ALOX12: variants seen among roughly 807,000 people sequenced by gnomAD.
The protein encoded by ALOX12 is polyunsaturated fatty acid lipoxygenase ALOX12.
A neutral mutation model predicts 85.5 loss-of-function variants in ALOX12; 62 were observed. That is an observed-to-expected ratio of 0.73 (90% CI 0.59 to 0.90). ALOX12 has a LOEUF of 0.90. Ranked by LOEUF, ALOX12 falls within the 40% of genes least tolerant of loss-of-function variation. ALOX12 has a pLI of 0.00. For synonymous variants in ALOX12, 299 were observed against 332.7 expected, an observed-to-expected ratio of 0.90 and a Z score of 1.10; for missense variants, 751 against 856.5, an observed-to-expected ratio of 0.88 and a Z score of 1.54.
At chr17:6,998,444 G>A in intron 2 of ALOX12, 65 bp from the exon 3 acceptor site, 1 of 1,058,346 alleles carries the variant, frequency 9.4e-7, no homozygotes, top group East Asian at 2.4e-5. Context: ...ACAGGGAGAT[G>A]AGGACAAGAG....
At position 7,010,580 on chromosome 17, in the gene ALOX12, G is replaced by C; in HGVS notation, c.*157G>C. On this transcript the variant is annotated 3_prime_UTR_variant, in exon 14 of 14. Coordinates refer to ENST00000251535, the MANE Select transcript of ALOX12 (RefSeq NM_000697.3). ...AGTATCCCACTAGCCCAGGGGAGCA[G>C]TAAACTTTCTCTGCAAAGACTAGAT... 1.1e-6 allele frequency: 1 copy of C among 891,274 alleles called. No homozygotes were observed. Among genetic ancestry groups the C allele is most frequent in the South Asian group, 2.1e-5 (1 of 48,562 alleles). 55.2% of individuals were successfully genotyped at this position (891,274 alleles called of 1,614,324 possible).
At position 7,005,379 on chromosome 17, in the gene ALOX12, A is replaced by G; in HGVS notation, c.1248+36A>G. On this transcript the variant is annotated intron_variant, in intron 9 of 13. Coordinates refer to ENST00000251535, the MANE Select transcript of ALOX12 (RefSeq NM_000697.3). ...TACGGGGCATGGGACTGCCTCATCC[A>G]TCTCTCCATGATCTGCCACTTTCAG... The G allele has an allele frequency of 2.6e-6, 4 of 1,545,398 alleles. No homozygotes were observed. In the African/African-American group the frequency reaches 5.5e-5, roughly 21 times the overall value.
chr17:7,007,668 G>A (rs1909153983), intron 11 of ALOX12, among the ~76,000 whole-genome samples: 1 of 152,184 alleles, frequency 6.6e-6, no homozygotes, highest in Non-Finnish European at 1.5e-5. Flanking sequence ...TGGATCACGA[G>A]GTCAGGAGTT....
At chr17:7,002,756 A>G in intron 8 of ALOX12, 1 of 230,940 alleles carries the variant, frequency 4.3e-6, no homozygotes, top group South Asian at 3.2e-5. Context: ...GATACTTTAT[A>G]TACAGGGAAC....
rs756283523 is a variant in ALOX12 at position 7,000,811 on chromosome 17, T to A, written c.951+332T>A. Among the ~76,000 whole-genome samples, 2 of 152,202 alleles carry A rather than the reference T, an allele frequency of 1.3e-5. No homozygotes were observed. Among genetic ancestry groups the A allele is most frequent in the African/African-American group, 2.4e-5 (1 of 41,458 alleles). Reference sequence around the variant, plus strand: ...GATTCAGTATGTCTGGGGTGGGAACTAAGAGTTTGCGTTTTTATAAGTTCC... The same window carrying A: ...GATTCAGTATGTCTGGGGTGGGAACAAAGAGTTTGCGTTTTTATAAGTTCC... On this transcript the variant is annotated intron_variant, in intron 7 of 13. Transcript: ENST00000251535. This position sits in a 1 kb window ranked among gnomAD's most constrained non-coding sequence, Gnocchi z 4.6.
At position 7,010,118 on chromosome 17, in the gene ALOX12, C is replaced by A; in HGVS notation, c.1804C>A (p.Pro602Thr). The A allele has an allele frequency of 1.2e-6, 2 of 1,611,274 alleles. No individual in the cohort carries two copies. The highest frequency in any genetic ancestry group is 8.5e-7 in the Non-Finnish European group (1 of 1,178,288). Reference sequence around the variant, plus strand: ...CTCATGGCATCTGAGTCGCCGCCAGCCAGACATGGTGAGAGGGGACTCTCG... The same window carrying A: ...CTCATGGCATCTGAGTCGCCGCCAGACAGACATGGTGAGAGGGGACTCTCG... ...AISWHLSRRQ[P>T]DMVPLGHHKE... The change falls in exon 13 of 14, where the codon CCA (proline) becomes ACA (threonine). Residue 602 changes from proline to threonine, a missense_variant. Coordinates refer to ENST00000251535, the MANE Select transcript of ALOX12 (RefSeq NM_000697.3).
rs776964465 is a variant in ALOX12 at position 7,010,313 on chromosome 17, C to T, written c.1882C>T (p.Arg628Ter). The change falls in exon 14 of 14, where the codon CGA (arginine) becomes TGA (stop). Residue 628 changes from arginine to a stop codon, truncating the protein, a stop_gained. Transcript: ENST00000251535. LOFTEE classifies it high-confidence loss of function. ...GCCCAAAGCTGTGCTAAACCAATTCCGAACAGATTTGGAAAAGCTGGAAAA... is the reference window on the plus strand; with the variant it reads ...GCCCAAAGCTGTGCTAAACCAATTCTGAACAGATTTGGAAAAGCTGGAAAA... ...PKPKAVLNQF[R>*]TDLEKLEKEI... 5.6e-6 allele frequency: 9 copies of T among 1,614,052 alleles called. No homozygotes were observed. The highest frequency in any genetic ancestry group is 1.7e-5 in the Admixed American group (1 of 60,000).
Position 7,000,522 on chromosome 17 carries a change from C to T in ALOX12, c.951+43C>T, listed in dbSNP as rs758356014. 3 of 1,603,014 alleles carry T rather than the reference C, an allele frequency of 1.9e-6. No individual in the cohort carries two copies. Among genetic ancestry groups the T allele is most frequent in the Non-Finnish European group, 2.6e-6 (3 of 1,173,196 alleles). ...CTCCCACAACGTTGCACTCTGTTCA[C>T]CTCAACCTCTGCTCCCAGGGACCCA... On this transcript the variant is annotated intron_variant, in intron 7 of 13. Transcript: ENST00000251535. The surrounding 1 kb of genome is among the most constrained non-coding windows in gnomAD (Gnocchi z 4.6).
intron 2 of ALOX12, 127 bp from the exon 3 acceptor site, chr17:6,998,382 G>A: frequency 1.5e-6 from 1 of 666,572 alleles, no homozygotes; most frequent in Non-Finnish European, 2.7e-6. Flanking sequence ...ATGAGGCAAA[G>A]CCAGAGATAA....
intron 8 of ALOX12, chr17:7,002,157 G>A: frequency 3.0e-6 from 1 of 338,766 alleles, no homozygotes; most frequent in Non-Finnish European, 5.6e-6. Flanking sequence ...AACAGTATCT[G>A]GTACTAGAGT....
Position 7,006,022 on chromosome 17 carries a change from T to G in ALOX12, c.1413T>G (p.Ile471Met). Residue 471 changes from isoleucine (I) to methionine (M), a missense_variant, in exon 10 of 14, where the codon ATT (isoleucine) becomes ATG (methionine). Ile to Met is a conservative substitution (Grantham distance 10, BLOSUM62 1). Transcript: ENST00000251535. The part of the protein sequence containing the change: ...AHDALRLWEI[I>M]ARYVEGIVHL... ...ATGCTTTACGGCTCTGGGAGATCAT[T>G]GCCAGGTGAGTAAGGAGGAGCTGAG... 1 of 1,283,122 alleles carries G rather than the reference T, an allele frequency of 7.8e-7. No individual in the cohort carries two copies. 79.5% of individuals were successfully genotyped at this position (1,283,122 alleles called of 1,614,324 possible).
At chr17:7,009,478 C>G in intron 11 of ALOX12, 1 of 410,866 alleles carries the variant, frequency 2.4e-6, no homozygotes, top group Non-Finnish European at 4.5e-6. Context: ...TTATTACAGA[C>G]CAGGTGATTT....
At chr17:7,004,583 T>C (rs1908944957) in intron 8 of ALOX12, among the ~76,000 whole-genome samples, 1 of 151,698 alleles carries the variant, frequency 6.6e-6, no homozygotes, top group African/African-American at 2.4e-5. Context: ...CTTTTTTCAA[T>C]AGCTAAGGAA....
intron 2 of ALOX12, among the ~76,000 whole-genome samples, chr17:6,997,510 A>C (rs1908505363): frequency 6.6e-6 from 1 of 151,676 alleles, no homozygotes; most frequent in African/African-American, 2.4e-5. Flanking sequence ...CAAGAAGCAC[A>C]CTGGCCCGCA....
rs1333878619 is a variant in ALOX12, at chr17:6,996,062, G to A, written c.-56G>A. The stretch of plus-strand genomic sequence containing the variant: ...CCCCGAGGCGCCGGCAGCCCTGGGC[G>A]GTCCCGGGAATCGCACAGGACCCGG... On this transcript the variant is annotated 5_prime_UTR_variant, in exon 1 of 14. Transcript: ENST00000251535. The A allele has an allele frequency of 2.4e-6, 3 of 1,236,970 alleles. No homozygotes were observed. The highest frequency in any genetic ancestry group is 3.0e-6 in the Non-Finnish European group (3 of 986,058). 76.6% of individuals were successfully genotyped at this position (1,236,970 alleles called of 1,614,324 possible).
chr17:7,004,321 T>G (rs1377470592), intron 8 of ALOX12, among the ~76,000 whole-genome samples: 1 of 5,530 alleles, frequency 1.8e-4, no homozygotes, highest in Non-Finnish European at 1.2e-3. Context: ...TTAATTTTAA[T>G]ATTAATTTAA....
At chr17:6,998,675 A>T in intron 3 of ALOX12, 40 bp from the exon 4 acceptor site, 1 of 1,586,098 alleles carries the variant, frequency 6.3e-7, no homozygotes, top group Non-Finnish European at 8.6e-7. Flanking sequence ...CCCATCACTG[A>T]CCATGACATC....
chr17:7,002,055 TGAA>T lies in ALOX12; in HGVS notation c.1161+245_1161+247del. On this transcript the variant is annotated intron_variant, in intron 8 of 13. Coordinates refer to ENST00000251535, the MANE Select transcript of ALOX12 (RefSeq NM_000697.3). ...CTAGCAGTGCGCTCACAGTAGGGCTTGAACACTGCTAGTAAAACAAAAGCCATA... is the reference window on the plus strand; with the variant it reads ...CTAGCAGTGCGCTCACAGTAGGGCTTCACTGCTAGTAAAACAAAAGCCATA... The T allele has an allele frequency of 5.7e-6, 3 of 528,772 alleles. No homozygotes were observed. In the South Asian group the frequency reaches 6.6e-5, roughly 12 times the overall value. 32.8% of individuals were successfully genotyped at this position (528,772 alleles called of 1,614,324 possible). A position where few individuals can be genotyped will look rare whatever the true frequency, so the allele number is the denominator to read the frequency against.
chr17:6,996,686 G>A (rs1301345286), intron 1 of ALOX12, 140 bp from the exon 2 acceptor site: 5 of 1,084,610 alleles, frequency 4.6e-6, no homozygotes, highest in African/African-American at 1.6e-5. Flanking sequence ...CAAAGAGCAG[G>A]TTGTGCGGGG....
Sources: gnomAD v4.1 joint callset for allele counts (sites outside exome capture counted in the v4.1 genomes callset) on GRCh38, gnomAD v4.1.1 for gene constraint, Gnocchi (gnomAD v3.1) non-coding constraint, MANE v1.5 for transcripts, NCBI Gene and HGNC (gene_info 2026-07-23, HGNC 2026-07-21) for gene names.